The following PATJ variants were observed in gnomAD, a reference collection of about 807,000 sequenced individuals.
The protein encoded by PATJ is PATJ crumbs cell polarity complex component, also known as inaD-like protein.
Under a neutral mutation model 224.9 loss-of-function variants are expected in PATJ, and 190 were observed. The ratio of observed to expected loss-of-function variants is 0.84; its 90% CI spans 0.75 to 0.95. The LOEUF is 0.95. Ranked by LOEUF, PATJ falls within the 40% of genes least tolerant of loss-of-function variation. PATJ has a pLI of 0.00. For synonymous variants in PATJ, 769 were observed against 820.3 expected (o/e 0.94, Z 1.07); for missense variants, 2,121 against 2,270.3 (o/e 0.93, Z 1.34).
At chr1:62,025,789 C>T (rs7537239) in intron 29 of PATJ, among the ~76,000 whole-genome samples, 85,396 of 151,886 alleles carry the variant, frequency 0.56, 24,356 homozygotes, top group African/African-American at 0.65. Context: ...TGCCACTGCA[C>T]TCCACCCTGG....
chr1:62,145,847 A>G (rs1158478851), intron 41 of PATJ, among the ~76,000 whole-genome samples: 1 of 150,846 alleles, frequency 6.6e-6, no homozygotes, highest in Non-Finnish European at 1.5e-5. Context: ...AATCCCAGCT[A>G]CTTGGGACAC....
At chr1:61,862,631 T>C (rs1186985591) in intron 19 of PATJ, among the ~76,000 whole-genome samples, 1 of 152,160 alleles carries the variant, frequency 6.6e-6, no homozygotes, top group Non-Finnish European at 1.5e-5. Context: ...GAACATATTG[T>C]TGAAAATAGA....
At chr1:61,810,709 AAT>A (rs1654556744) in intron 14 of PATJ, among the ~76,000 whole-genome samples, 3 of 146,774 alleles carry the variant, frequency 2.0e-5, no homozygotes, top group African/African-American at 7.8e-5. Context: ...AAAATAAATA[AAT>A]AAATAAATAA....
chr1:61,842,961 A>G (rs1219909295), intron 17 of PATJ, among the ~76,000 whole-genome samples: 9 of 152,054 alleles, frequency 5.9e-5, no homozygotes, highest in Non-Finnish European at 4.4e-5. Context: ...AATCAGATTA[A>G]CAAGTAGGTA....
intron 41 of PATJ, among the ~76,000 whole-genome samples, chr1:62,138,496 G>C (rs1177382315): frequency 1.3e-5 from 2 of 151,960 alleles, no homozygotes; most frequent in Admixed American, 1.3e-4. Context: ...TTAGTAGGAA[G>C]GGGTTTCACC....
chr1:62,089,807 A>G (rs1660493832), intron 33 of PATJ, among the ~76,000 whole-genome samples: 1 of 152,184 alleles, frequency 6.6e-6, no homozygotes, highest in Non-Finnish European at 1.5e-5. Flanking sequence ...AGCATATCAA[A>G]GCGAAATGGT....
chr1:61,803,814 G>T (rs1280284781), intron 12 of PATJ, among the ~76,000 whole-genome samples: 1 of 152,050 alleles, frequency 6.6e-6, no homozygotes, highest in Non-Finnish European at 1.5e-5. Context: ...CTGCTATGAG[G>T]TTAGCTCTCT....
intron 27 of PATJ, among the ~76,000 whole-genome samples, chr1:61,962,108 T>C (rs1681397556): frequency 6.6e-6 from 1 of 152,186 alleles, no homozygotes; most frequent in African/African-American, 2.4e-5. Flanking sequence ...AGAAGTATTG[T>C]CTTCTGTATT....
chr1:61,934,765 G>A (rs890520219), intron 27 of PATJ, among the ~76,000 whole-genome samples: 1 of 152,128 alleles, frequency 6.6e-6, no homozygotes, highest in Non-Finnish European at 1.5e-5. Flanking sequence ...GGCCTGGGAC[G>A]TTATACAAAC....
chr1:61,864,739 T>C (rs1665142871), intron 20 of PATJ, 106 bp downstream of exon 20: 1 of 977,934 alleles, frequency 1.0e-6, no homozygotes, highest in Non-Finnish European at 1.5e-6. Flanking sequence ...AATGGGCCTT[T>C]CCGTAAGTCG....
chr1:62,144,773 A>ATATATATATATATATATATATATATAT (rs1017771263), intron 41 of PATJ, among the ~76,000 whole-genome samples: 5 of 86,906 alleles, frequency 5.8e-5, no homozygotes, highest in South Asian at 3.3e-4. Flanking sequence ...TTGCAAAAAA[A>ATATATATATATATATATATATATATAT]AAAAATATAT....
intron 16 of PATJ, 120 bp from the exon 17 acceptor site, chr1:61,833,534 A>G: frequency 1.1e-6 from 1 of 945,274 alleles, no homozygotes; most frequent in South Asian, 2.1e-5. Flanking sequence ...AAAAAGAAAA[A>G]CTACGCATGC....
At chr1:61,789,255 G>C (rs1043307208) in intron 8 of PATJ, among the ~76,000 whole-genome samples, 2 of 151,886 alleles carry the variant, frequency 1.3e-5, no homozygotes, top group African/African-American at 4.8e-5. Context: ...GCAGTGAGCT[G>C]AGATTGCACC....
chr1:61,817,085 C>A (rs572373195), intron 14 of PATJ, among the ~76,000 whole-genome samples: 1 of 152,304 alleles, frequency 6.6e-6, no homozygotes, highest in South Asian at 2.1e-4. Flanking sequence ...GGCATTTGAA[C>A]TATGCTCTGA....
intron 33 of PATJ, chr1:62,100,331 G>T (rs1363962908): frequency 1.4e-6 from 1 of 717,382 alleles, no homozygotes; most frequent in Non-Finnish European, 2.6e-6. Context: ...CTGGAGGCTG[G>T]GAAGTCCAAG....
chr1:62,141,760 C>T (rs72677976), intron 41 of PATJ, among the ~76,000 whole-genome samples: 13 of 151,606 alleles, frequency 8.6e-5, no homozygotes, highest in African/African-American at 3.1e-4. Context: ...CACCTGAGGT[C>T]GAGTTTGAGA....
intron 7 of PATJ, among the ~76,000 whole-genome samples, chr1:61,782,799 T>C (rs1366123548): frequency 1.3e-5 from 2 of 152,214 alleles, no homozygotes; most frequent in Non-Finnish European, 2.9e-5. Context: ...AACATTTTTT[T>C]GGGAGGTACT....
chr1:61,852,299 TTGGTCTCTGG>T (rs1662957512), intron 17 of PATJ, among the ~76,000 whole-genome samples: 1 of 152,152 alleles, frequency 6.6e-6, no homozygotes, highest in Non-Finnish European at 1.5e-5. Context: ...TGTTCTATGA[TTGGTCTCTGG>T]TGCCCTCTAT....
rs11427840 is a variant in PATJ, at chr1:61,822,429, GA to G, written c.1684-499del. 4.9e-3 allele frequency among the ~76,000 whole-genome samples: 568 copies of G among 116,612 alleles called. 4 individuals are homozygous for G. Among genetic ancestry groups the G allele is most frequent in the South Asian group, 0.03 (101 of 3,330 alleles). 76.5% of individuals were successfully genotyped at this position (116,612 alleles called of 152,430 possible). A position where few individuals can be genotyped will look rare whatever the true frequency, so the allele number is the denominator to read the frequency against. ...TAGGCAACAGAGCGAGACTGTGTCA[GA>G]AAAAAAAAAAAAAAAAGAAAAGAAA... On this transcript the variant is annotated intron_variant, in intron 14 of 43. Transcript: ENST00000642238.
Sources: gnomAD v4.1 joint callset for allele counts (sites outside exome capture counted in the v4.1 genomes callset) on GRCh38, gnomAD v4.1.1 for gene constraint, MANE v1.5 for transcripts, NCBI Gene and HGNC (gene_info 2026-07-23, HGNC 2026-07-21) for gene names.